Variants in BRINP1 observed in about 807,000 individuals in gnomAD.
BRINP1 encodes the protein BMP/retinoic acid inducible neural specific 1, also known as BMP/retinoic acid-inducible neural-specific protein 1.
In BRINP1, 17 loss-of-function variants were observed where a neutral mutation model predicts 72.9. The ratio of observed to expected loss-of-function variants is 0.23; its 90% CI spans 0.16 to 0.35. BRINP1 has a LOEUF of 0.35. Among genes scored for constraint, BRINP1 ranks in the 10% least tolerant of loss-of-function variants. The probability of loss-of-function intolerance (pLI) is 1.00; values close to 1 mark genes in which losing one functional copy is unlikely to be tolerated. For missense variants in BRINP1, 850 were observed against 1,001.6 expected (o/e 0.85, Z 2.04); for synonymous variants, 418 against 378.5 (o/e 1.10, Z -1.21).
intron 2 of BRINP1, among the ~76,000 whole-genome samples, chr9:119,265,326 A>T (rs1225262799): frequency 6.6e-6 from 1 of 151,812 alleles, no homozygotes; most frequent in Non-Finnish European, 1.5e-5. Flanking sequence ...AAGGCCAGGC[A>T]TGGTGGCTCA....
chr9:119,317,132 C>G (rs1050663547), intron 1 of BRINP1, among the ~76,000 whole-genome samples: 4 of 149,064 alleles, frequency 2.7e-5, no homozygotes, highest in African/African-American at 1.0e-4. Context: ...ACATTTTATA[C>G]TGCTATAGCT....
At chr9:119,192,126 G>A (rs1005802915) in intron 7 of BRINP1, among the ~76,000 whole-genome samples, 7 of 151,806 alleles carry the variant, frequency 4.6e-5, no homozygotes, top group Admixed American at 3.3e-4. Flanking sequence ...GGCCTCATTG[G>A]AAGATCTGAA....
intron 7 of BRINP1, among the ~76,000 whole-genome samples, chr9:119,174,103 A>T (rs2118827006): frequency 6.8e-6 from 1 of 146,648 alleles, no homozygotes; most frequent in African/African-American, 2.7e-5. Flanking sequence ...AACTGAAGAC[A>T]AAATTGACAA....
intron 1 of BRINP1, among the ~76,000 whole-genome samples, chr9:119,343,999 C>T (rs1050979456): frequency 1.0e-3 from 152 of 152,170 alleles, no homozygotes; most frequent in African/African-American, 3.5e-3. Flanking sequence ...TCAATCACAA[C>T]CCTTTTAGTT....
intron 7 of BRINP1, among the ~76,000 whole-genome samples, chr9:119,203,945 T>C (rs953559881): frequency 6.6e-6 from 1 of 152,174 alleles, no homozygotes; most frequent in East Asian, 1.9e-4. Context: ...AGGTTAGGCT[T>C]TTGGCCAACA....
chr9:119,313,310 C>T lies in BRINP1; in HGVS notation c.46G>A (p.Gly16Ser). 1 of 1,613,974 alleles carries T rather than the reference C, an allele frequency of 6.2e-7. No individual in the cohort carries two copies. The highest frequency in any genetic ancestry group is 8.5e-7 in the Non-Finnish European group (1 of 1,180,006). The change falls in exon 2 of 8, where the codon GGC becomes AGC. Residue 16 changes from glycine to serine, a missense_variant. Physicochemically the swap from Gly to Ser is moderately conservative, Grantham distance 56. Coordinates refer to ENST00000265922, the MANE Select transcript of BRINP1 (RefSeq NM_014618.3). The part of the protein sequence containing the change: ...VELLYFLFIW[G>S]RISVQPSHQE... ...TGGGAGGGCTGCACTGAGATACGGC[C>T]CCATATAAACAGGAAGTAGAGGAGC...
At chr9:119,281,964 T>C (rs1830717158) in intron 2 of BRINP1, among the ~76,000 whole-genome samples, 1 of 152,244 alleles carries the variant, frequency 6.6e-6, no homozygotes, top group East Asian at 1.9e-4. Flanking sequence ...GGTGTTGCAG[T>C]AAATATTGTT....
At position 119,281,594 on chromosome 9, in the gene BRINP1, G is replaced by A. The variant is rs188084353; in HGVS notation, c.218+31544C>T. On this transcript the variant is annotated intron_variant, in intron 2 of 7. Coordinates refer to ENST00000265922, the MANE Select transcript of BRINP1 (RefSeq NM_014618.3). ...AGTCAGCATTGTCAGGGAATATGAA[G>A]GGTGTGTTCCCTTTGGAAAAATATT... Among the ~76,000 whole-genome samples the A allele has an allele frequency of 1.3e-3, 195 of 152,292 alleles. 2 individuals are homozygous for A. The highest frequency in any genetic ancestry group is 6.8e-3 in the Middle Eastern group (2 of 294).
chr9:119,313,526 C>T, intron 1 of BRINP1, 121 bp from the exon 2 acceptor site: 1 of 818,050 alleles, frequency 1.2e-6, no homozygotes, highest in Non-Finnish European at 1.9e-6. Context: ...AACACATCTT[C>T]ATAATAATAC....
chr9:119,367,221 G>GATATATAATATATATATATATAT (rs1831703111), intron 1 of BRINP1, among the ~76,000 whole-genome samples: 1 of 99,850 alleles, frequency 1.0e-5, no homozygotes, highest in Non-Finnish European at 1.9e-5. Context: ...GTGTGTGATT[G>GATATATAATATATATATATATAT]ATATATATAT....
At chr9:119,276,687 C>A (rs1345877259) in intron 2 of BRINP1, among the ~76,000 whole-genome samples, 2 of 152,118 alleles carry the variant, frequency 1.3e-5, no homozygotes, top group African/African-American at 4.8e-5. Flanking sequence ...ATGTTTTCTC[C>A]AGGGTAGATA....
At chr9:119,168,336 A>T (rs111947587) in intron 7 of BRINP1, 112 bp from the exon 8 acceptor site, 4 of 827,282 alleles carry the variant, frequency 4.8e-6, no homozygotes, top group African/African-American at 3.4e-5. Flanking sequence ...AAAGGACTGG[A>T]TGGAGCAGTG....
At chr9:119,293,420 C>T (rs1046008352) in intron 2 of BRINP1, among the ~76,000 whole-genome samples, 1 of 152,080 alleles carries the variant, frequency 6.6e-6, no homozygotes, top group Non-Finnish European at 1.5e-5. Context: ...TAGCAAGACT[C>T]TTCTCCATTC....
intron 2 of BRINP1, among the ~76,000 whole-genome samples, chr9:119,308,568 C>T (rs891787333): frequency 6.6e-6 from 1 of 152,224 alleles, no homozygotes; most frequent in Non-Finnish European, 1.5e-5. Context: ...CAGCACCATC[C>T]ATTTAGCCAA....
chr9:119,286,849 C>T lies in BRINP1; in HGVS notation c.218+26289G>A, dbSNP rs138869703. Among the ~76,000 whole-genome samples the T allele has an allele frequency of 6.5e-3, 988 of 152,244 alleles. 11 individuals are homozygous for T. The highest frequency in any genetic ancestry group is 0.022 in the African/African-American group (911 of 41,536). On this transcript the variant is annotated intron_variant, in intron 2 of 7. Coordinates refer to ENST00000265922, the MANE Select transcript of BRINP1 (RefSeq NM_014618.3). ...AATTCATCCACGATTTTGGTCAAGA[C>T]GCCTATCCACTCTGACTTCGGTTAT...
intron 5 of BRINP1, among the ~76,000 whole-genome samples, chr9:119,217,508 T>C (rs1829990355): frequency 1.3e-5 from 2 of 152,166 alleles, no homozygotes; most frequent in South Asian, 4.1e-4. Flanking sequence ...ATATGGAATA[T>C]TTTTCTCCCA....
Position 119,351,125 on chromosome 9 carries a change from A to G in BRINP1, c.-51+17931T>C, listed in dbSNP as rs147870123. On this transcript the variant is annotated intron_variant, in intron 1 of 7. Transcript: ENST00000265922. The stretch of plus-strand genomic sequence containing the variant: ...GATGTTCCCCTCCCTGTGTCCATGT[A>G]TTCTCATCTATTCATAAACACATTA... 6.1e-4 allele frequency among the ~76,000 whole-genome samples: 93 copies of G among 152,072 alleles called. 2 individuals carry two copies. In the East Asian group the frequency reaches 0.016, roughly 26 times the overall value.
At chr9:119,337,855 T>C (rs1054106707) in intron 1 of BRINP1, among the ~76,000 whole-genome samples, 2 of 152,222 alleles carry the variant, frequency 1.3e-5, no homozygotes, top group African/African-American at 4.8e-5. Flanking sequence ...ATAAGTGTCT[T>C]TTGTCCTTCA....
At chr9:119,272,969 G>A (rs1386635382) in intron 2 of BRINP1, among the ~76,000 whole-genome samples, 2 of 152,172 alleles carry the variant, frequency 1.3e-5, no homozygotes, top group South Asian at 2.1e-4. Flanking sequence ...TTCCTGCAGA[G>A]CCAAAAGCCC....
Sources: allele counts gnomAD v4.1 joint callset (sites outside exome capture counted in the v4.1 genomes callset), GRCh38; gene constraint gnomAD v4.1.1; transcripts MANE v1.5; gene names NCBI Gene and HGNC (gene_info 2026-07-23, HGNC 2026-07-21).